The following GNAL variants were observed in gnomAD, a reference collection of about 807,000 sequenced individuals.
The protein encoded by GNAL is G protein subunit alpha L.
GNAL carries 18 observed loss-of-function variants against 55.1 expected under a neutral mutation model. The ratio of observed to expected loss-of-function variants is 0.33; its 90% CI spans 0.23 to 0.48. GNAL has a LOEUF of 0.48. Ranked by LOEUF, GNAL falls within the 20% of genes least tolerant of loss-of-function variation. The pLI is 0.99. For missense variants in GNAL, 412 were observed against 614.1 expected (o/e 0.67, Z 3.48); for synonymous variants, 253 against 237.0 (o/e 1.07, Z -0.62).
chr18:11,840,075 T>C (rs1317449104), intron 5 of GNAL, among the ~76,000 whole-genome samples: 8 of 152,226 alleles, frequency 5.3e-5, no homozygotes, highest in African/African-American at 7.2e-5. Flanking sequence ...ATCCATGATA[T>C]CAACAAAAGC....
chr18:11,696,951 T>G (rs188838929), intron 1 of GNAL, among the ~76,000 whole-genome samples: 298 of 152,312 alleles, frequency 2.0e-3, no homozygotes, highest in Non-Finnish European at 3.2e-3. Flanking sequence ...CCGAGGCCCT[T>G]AGCACCGCCA....
At chr18:11,773,784 A>G (rs544412733) in intron 4 of GNAL, among the ~76,000 whole-genome samples, 4 of 152,338 alleles carry the variant, frequency 2.6e-5, no homozygotes, top group African/African-American at 9.6e-5. Context: ...CCTTGTCTCA[A>G]AAGAAAAATC....
At chr18:11,701,283 A>G (rs747447042) in intron 1 of GNAL, among the ~76,000 whole-genome samples, 12 of 152,206 alleles carry the variant, frequency 7.9e-5, no homozygotes, top group Middle Eastern at 3.4e-3. Flanking sequence ...TTTAATGTCA[A>G]TGTTTGTACA....
chr18:11,697,125 C>G (rs985006654), intron 1 of GNAL, among the ~76,000 whole-genome samples: 1 of 152,246 alleles, frequency 6.6e-6, no homozygotes, highest in Non-Finnish European at 1.5e-5. Flanking sequence ...GGGCAGCCAG[C>G]CCCAGGTGAA....
At chr18:11,735,286 A>G (rs2032435935) in intron 1 of GNAL, among the ~76,000 whole-genome samples, 1 of 151,706 alleles carries the variant, frequency 6.6e-6, no homozygotes, top group Admixed American at 6.6e-5. Flanking sequence ...CCTGACCTCA[A>G]GTGATCCACC....
At chr18:11,720,428 A>C (rs2143399987) in intron 1 of GNAL, among the ~76,000 whole-genome samples, 1 of 152,350 alleles carries the variant, frequency 6.6e-6, no homozygotes, top group African/African-American at 2.4e-5. Flanking sequence ...CCATTATCAA[A>C]ATCAATAGCA....
intron 4 of GNAL, among the ~76,000 whole-genome samples, chr18:11,818,804 A>G (rs917128995): frequency 9.5e-4 from 145 of 152,378 alleles, no homozygotes; most frequent in African/African-American, 3.5e-3. Context: ...TTAAAAATGA[A>G]TAATAAAATG....
chr18:11,782,839 A>G (rs1199224757), intron 4 of GNAL, among the ~76,000 whole-genome samples: 2 of 152,232 alleles, frequency 1.3e-5, no homozygotes, highest in Admixed American at 6.5e-5. Context: ...TAAAGGAAAA[A>G]TGTACATAGA....
intron 1 of GNAL, among the ~76,000 whole-genome samples, chr18:11,698,535 G>A (rs370867507): frequency 1.3e-5 from 2 of 151,818 alleles, no homozygotes; most frequent in South Asian, 4.2e-4. Flanking sequence ...AACCCACTGG[G>A]TGTGCAGGTT....
At position 11,851,456 on chromosome 18, in the gene GNAL, C is replaced by T. The variant is rs183479342; in HGVS notation, c.723-10939C>T. On this transcript the variant is annotated intron_variant, in intron 5 of 11. Transcript: ENST00000334049. Reference sequence around the variant, plus strand: ...GCCGGGAGCGGACTTACCTTACCTTCTCTGCCTTCGGCGCGCTTCTCAGCC... The same window carrying T: ...GCCGGGAGCGGACTTACCTTACCTTTTCTGCCTTCGGCGCGCTTCTCAGCC... 8.2e-4 allele frequency: 1,202 copies of T among 1,474,762 alleles called. 2 individuals are homozygous for T. The highest frequency in any genetic ancestry group is 8.7e-4 in the Non-Finnish European group (976 of 1,118,810). The allele number at this position is 1,474,762 out of a possible 1,614,324, so 91.4% of individuals were successfully genotyped here. A position where few individuals can be genotyped will look rare whatever the true frequency, so the allele number is the denominator to read the frequency against.
At chr18:11,750,701 G>C (rs1488718584) in intron 1 of GNAL, among the ~76,000 whole-genome samples, 1 of 152,204 alleles carries the variant, frequency 6.6e-6, no homozygotes, top group Non-Finnish European at 1.5e-5. Context: ...CAGGCTGCCA[G>C]GTACTGAGGT....
intron 4 of GNAL, among the ~76,000 whole-genome samples, chr18:11,796,545 G>C (rs574675753): frequency 9.4e-5 from 13 of 137,930 alleles, no homozygotes; most frequent in Non-Finnish European, 1.4e-4. Flanking sequence ...CTGCACTCCA[G>C]CCTGGGTGAC....
intron 4 of GNAL, among the ~76,000 whole-genome samples, chr18:11,771,034 A>G (rs2033615802): frequency 6.6e-6 from 1 of 151,832 alleles, no homozygotes; most frequent in African/African-American, 2.4e-5. Flanking sequence ...GGCCAACATG[A>G]TCAAACCCTG....
At chr18:11,797,697 T>C (rs1353146482) in intron 4 of GNAL, among the ~76,000 whole-genome samples, 1 of 151,620 alleles carries the variant, frequency 6.6e-6, no homozygotes, top group Non-Finnish European at 1.5e-5. Context: ...AAGTGGAGGC[T>C]GCAGTGAGCC....
intron 1 of GNAL, among the ~76,000 whole-genome samples, chr18:11,690,461 A>AT (rs143200662): frequency 0.13 from 19,254 of 149,774 alleles, 1,347 homozygotes; most frequent in Middle Eastern, 0.17. Flanking sequence ...CTGCACTTGC[A>AT]TTTTTTTTTT....
At chr18:11,810,107 T>C (rs1445465400) in intron 4 of GNAL, among the ~76,000 whole-genome samples, 3 of 152,200 alleles carry the variant, frequency 2.0e-5, no homozygotes, top group African/African-American at 4.8e-5. Flanking sequence ...ACAAAAACCC[T>C]TGGCTGGGCA....
intron 4 of GNAL, among the ~76,000 whole-genome samples, chr18:11,790,805 C>G (rs1046321376): frequency 2.0e-5 from 3 of 151,728 alleles, no homozygotes; most frequent in Non-Finnish European, 4.4e-5. Context: ...TACAGGTGCC[C>G]GCCACCACGC....
intron 4 of GNAL, among the ~76,000 whole-genome samples, chr18:11,789,903 A>C (rs1365658865): frequency 2.6e-5 from 4 of 152,252 alleles, no homozygotes; most frequent in Admixed American, 2.6e-4. Flanking sequence ...GCAGAGGAAA[A>C]GCCTCAGATA....
chr18:11,747,138 A>G (rs2032706076), intron 1 of GNAL: 2 of 399,326 alleles, frequency 5.0e-6, no homozygotes, highest in Non-Finnish European at 9.9e-6. Flanking sequence ...CGCTGCCCAC[A>G]GCCTTGAACT....
Sources: allele counts gnomAD v4.1 joint callset (sites outside exome capture counted in the v4.1 genomes callset), GRCh38; gene constraint gnomAD v4.1.1; transcripts MANE v1.5; gene names NCBI Gene and HGNC (gene_info 2026-07-23, HGNC 2026-07-21).